CSMD1: variants seen among roughly 807,000 people sequenced by gnomAD.
CSMD1 encodes CUB and sushi domain-containing protein 1.
In CSMD1, 213 loss-of-function variants were observed where a neutral mutation model predicts 417.5. That is an observed-to-expected ratio of 0.51 (90% CI 0.46 to 0.57). The LOEUF (loss-of-function observed/expected upper bound fraction) is 0.57, where lower values mean the gene tolerates loss of function less well. CSMD1 is among the 20% of genes least tolerant of loss of function. CSMD1 has a pLI of 0.00. For synonymous variants in CSMD1, 2,862 were observed against 1,736.8 expected, an observed-to-expected ratio of 1.65 and a Z score of -16.11; for missense variants, 6,923 against 4,529.7, an observed-to-expected ratio of 1.53 and a Z score of -15.17.
chr8:4,568,462 A>T lies in CSMD1; in HGVS notation c.302+68880T>A, dbSNP rs1305923934. 3.3e-5 allele frequency among the ~76,000 whole-genome samples: 5 copies of T among 152,002 alleles called. No individual in the cohort carries two copies. In the East Asian group the frequency reaches 7.7e-4, roughly 23 times the overall value. ...AATGACATGAACTCATTCTTTTTTT[A>T]TGGCTGCATAGTATTCCATGGTGTA... is the stretch of plus-strand genomic sequence containing the variant. On this transcript the variant is annotated intron_variant, in intron 2 of 69. Coordinates refer to ENST00000635120, the MANE Select transcript of CSMD1 (RefSeq NM_033225.6).
chr8:4,526,960 C>G (rs1287521577), intron 2 of CSMD1, among the ~76,000 whole-genome samples: 1 of 152,106 alleles, frequency 6.6e-6, no homozygotes, highest in Non-Finnish European at 1.5e-5. Context: ...GCTTCTAACC[C>G]AACTGTAGAT....
intron 7 of CSMD1, among the ~76,000 whole-genome samples, chr8:3,658,507 G>A (rs573967568): frequency 1.4e-5 from 2 of 147,494 alleles, no homozygotes; most frequent in East Asian, 3.9e-4. Flanking sequence ...CCTTGGTCGG[G>A]CTTGGTGTCT....
chr8:4,768,818 T>C (rs564880633), intron 1 of CSMD1, among the ~76,000 whole-genome samples: 2 of 152,078 alleles, frequency 1.3e-5, no homozygotes, highest in Non-Finnish European at 2.9e-5. Flanking sequence ...CAAATGGAAA[T>C]AGAAGCAGTT....
chr8:3,472,303 C>A (rs1408065664), intron 11 of CSMD1, among the ~76,000 whole-genome samples: 1 of 152,120 alleles, frequency 6.6e-6, no homozygotes, highest in Non-Finnish European at 1.5e-5. Context: ...TTGCTGACCA[C>A]ACTGCAACAT....
At position 3,091,639 on chromosome 8, in the gene CSMD1, G is replaced by A; in HGVS notation, c.7162C>T (p.Leu2388=). The A allele has an allele frequency of 1.2e-6, 2 of 1,610,388 alleles. No homozygotes were observed. The highest frequency in any genetic ancestry group is 1.7e-6 in the Non-Finnish European group (2 of 1,179,212). ...GTATGATTCCCACTTAAGACTACTA[G>A]CAGAGGACTTTGCCCAGAAGAACCT... is the stretch of plus-strand genomic sequence containing the variant. ...FDGSSGQSPL[L]VVLSGNHTEQ... Residue 2388 remains leucine, a synonymous_variant, in exon 48 of 70, where the codon CTA becomes TTA. Coordinates refer to ENST00000635120, the MANE Select transcript of CSMD1 (RefSeq NM_033225.6).
chr8:3,644,981 A>T (rs1484911113), intron 7 of CSMD1, among the ~76,000 whole-genome samples: 2 of 151,088 alleles, frequency 1.3e-5, no homozygotes, highest in Admixed American at 6.6e-5. Context: ...AAAAAAAAAA[A>T]AAAAAAAAAA....
At chr8:4,378,376 G>T (rs1269116937) in intron 3 of CSMD1, among the ~76,000 whole-genome samples, 1 of 152,164 alleles carries the variant, frequency 6.6e-6, no homozygotes. Flanking sequence ...TGAGAAATTA[G>T]CTCACTCGTT....
intron 2 of CSMD1, among the ~76,000 whole-genome samples, chr8:4,503,649 C>T (rs1014126346): frequency 4.6e-5 from 7 of 152,078 alleles, no homozygotes; most frequent in Non-Finnish European, 7.3e-5. Flanking sequence ...AGGCCCAACA[C>T]ATGATTTTTT....
rs565037542 is a variant in CSMD1, at chr8:4,468,241, G to A, written c.303-48176C>T. On this transcript the variant is annotated intron_variant, in intron 2 of 69. Coordinates refer to ENST00000635120, the MANE Select transcript of CSMD1 (RefSeq NM_033225.6). Reference sequence around the variant, plus strand: ...GGCATGCCTGGGGAAAGGAAGGAGAGCTGGCTGACTTCTGAGACTCCTGAC... The same window carrying A: ...GGCATGCCTGGGGAAAGGAAGGAGAACTGGCTGACTTCTGAGACTCCTGAC... Among the ~76,000 whole-genome samples the A allele has an allele frequency of 3.2e-4, 49 of 152,332 alleles. No individual in the cohort carries two copies. In the South Asian group the frequency reaches 9.3e-3, roughly 29 times the overall value.
At chr8:4,103,494 A>G (rs1000607535) in intron 3 of CSMD1, among the ~76,000 whole-genome samples, 1 of 147,694 alleles carries the variant, frequency 6.8e-6, no homozygotes, top group Non-Finnish European at 1.5e-5. Flanking sequence ...ATATATATAA[A>G]TAAACATATA....
chr8:3,965,233 G>A (rs1812590482), intron 5 of CSMD1, among the ~76,000 whole-genome samples: 2 of 152,172 alleles, frequency 1.3e-5, no homozygotes, highest in South Asian at 4.1e-4. Context: ...AACAGAGACG[G>A]CAAATGCTTT....
At chr8:3,430,086 T>C (rs1457990430) in intron 12 of CSMD1, among the ~76,000 whole-genome samples, 3 of 152,282 alleles carry the variant, frequency 2.0e-5, no homozygotes, top group Admixed American at 1.3e-4. Context: ...CATGCATATA[T>C]ACATATATAC....
At chr8:3,582,845 A>G (rs777453769) in intron 9 of CSMD1, among the ~76,000 whole-genome samples, 4 of 152,246 alleles carry the variant, frequency 2.6e-5, no homozygotes, top group Admixed American at 1.3e-4. Context: ...GCTACTAAAT[A>G]TTTCAAAATC....
At position 4,994,705 on chromosome 8, in the gene CSMD1, C is replaced by T. The variant is rs1466185011; in HGVS notation, c.-289G>A. Reference sequence around the variant, plus strand: ...CCGGCCGAGCCGGGCAGGAAGGCACCAAGGCGGCGAGGCTGCGGGAGGGGG... The same window carrying T: ...CCGGCCGAGCCGGGCAGGAAGGCACTAAGGCGGCGAGGCTGCGGGAGGGGG... On this transcript the variant is annotated 5_prime_UTR_variant, in exon 1 of 70. Transcript: ENST00000635120. 2 of 371,604 alleles carry T rather than the reference C, an allele frequency of 5.4e-6. No individual in the cohort carries two copies. The highest frequency in any genetic ancestry group is 9.7e-6 in the Non-Finnish European group (2 of 206,978). 23.0% of individuals were successfully genotyped at this position (371,604 alleles called of 1,614,324 possible).
chr8:4,430,057 G>C (rs1585061449), intron 2 of CSMD1, among the ~76,000 whole-genome samples: 1 of 152,140 alleles, frequency 6.6e-6, no homozygotes. Context: ...AATCAACCAG[G>C]AAGTATAAAA....
chr8:4,056,503 G>C (rs1229238334), intron 3 of CSMD1, among the ~76,000 whole-genome samples: 1 of 150,176 alleles, frequency 6.7e-6, no homozygotes, highest in African/African-American at 2.5e-5. Context: ...GAAAAATATT[G>C]GGCTACTAAG....
chr8:3,859,977 G>A (rs956599849), intron 5 of CSMD1, among the ~76,000 whole-genome samples: 1 of 152,180 alleles, frequency 6.6e-6, no homozygotes. Flanking sequence ...TTTCAAGCCT[G>A]AGGGTGGTTT....
At chr8:4,832,198 G>A (rs936319780) in intron 1 of CSMD1, among the ~76,000 whole-genome samples, 3 of 152,206 alleles carry the variant, frequency 2.0e-5, no homozygotes, top group Admixed American at 6.5e-5. Flanking sequence ...CGCCCTGAGT[G>A]TGGGAGGGTT....
intron 5 of CSMD1, among the ~76,000 whole-genome samples, chr8:3,974,793 T>A (rs1440903423): frequency 1.3e-5 from 2 of 152,136 alleles, no homozygotes; most frequent in East Asian, 3.9e-4. Flanking sequence ...AATCATTAAT[T>A]CACAATTTTT....
Sources: allele counts gnomAD v4.1 joint callset (sites outside exome capture counted in the v4.1 genomes callset), GRCh38; gene constraint gnomAD v4.1.1; transcripts MANE v1.5; gene names NCBI Gene and HGNC (gene_info 2026-07-23, HGNC 2026-07-21).